TMEM270: variants seen among roughly 807,000 people sequenced by gnomAD.
TMEM270 encodes Williams-Beuren syndrome chromosome region 28.
TMEM270 carries 30 observed loss-of-function variants against 29.9 expected under a neutral mutation model. The observed-to-expected ratio is 1.00, with a 90% CI of 0.75 to 1.36. The LOEUF is 1.36. Ranked by LOEUF, TMEM270 falls within the 40% of genes most tolerant of loss-of-function variation. TMEM270 has a pLI of 0.00. For synonymous variants in TMEM270, 135 were observed against 139.8 expected, an observed-to-expected ratio of 0.97 and a Z score of 0.24; for missense variants, 313 against 307.1, an observed-to-expected ratio of 1.02 and a Z score of -0.14.
At chr7:73,864,306 G>T (rs969713610) in intron 1 of TMEM270, among the ~76,000 whole-genome samples, 1 of 151,450 alleles carries the variant, frequency 6.6e-6, no homozygotes, top group African/African-American at 2.4e-5. Context: ...ATGCACTTGT[G>T]TGGTCTCAGC....
chr7:73,863,370 C>T (rs578201816), intron 1 of TMEM270, among the ~76,000 whole-genome samples: 4 of 152,126 alleles, frequency 2.6e-5, no homozygotes, highest in Admixed American at 2.0e-4. Context: ...CAACTCACCA[C>T]CCAGATCAGA....
In TMEM270 at chr7:73,865,658, C is replaced by G. The variant is rs782273979; in HGVS notation, c.583C>G (p.Leu195Val). 16 of 1,614,030 alleles carry G rather than the reference C, an allele frequency of 9.9e-6. No homozygotes were observed. The highest frequency in any genetic ancestry group is 1.2e-5 in the Non-Finnish European group (14 of 1,180,010). The change falls in exon 3 of 3, where the codon CTC becomes GTC. Residue 195 changes from leucine to valine, a missense_variant. By Grantham distance (32) the Leu-to-Val change is conservative. Coordinates refer to ENST00000320531, the MANE Select transcript of TMEM270 (RefSeq NM_182504.4). ...TTGGTGGGTGGAGACTATGACTGCC[C>G]TCACCTCCTGGCACCTGGCCTATCT... is the stretch of plus-strand genomic sequence containing the variant. ...LYWWVETMTA[L>V]TSWHLAYLIT...
chr7:73,861,377 G>T, intron 1 of TMEM270, 111 bp downstream of exon 1: 1 of 970,940 alleles, frequency 1.0e-6, no homozygotes, highest in Non-Finnish European at 1.6e-6. Context: ...GTGGAACGAG[G>T]TGGCTGCCTG....
At chr7:73,862,579 G>A (rs948005819) in intron 1 of TMEM270, among the ~76,000 whole-genome samples, 1 of 151,200 alleles carries the variant, frequency 6.6e-6, no homozygotes, top group South Asian at 2.1e-4. Flanking sequence ...TGCATCTTGG[G>A]ACCGGGAGCT....
upstream of TMEM270, chr7:73,861,109 G>A (rs764673884): frequency 7.2e-7 from 1 of 1,382,608 alleles, no homozygotes; most frequent in African/African-American, 1.4e-5. Flanking sequence ...CGGCAACCGG[G>A]TCCCCATGGT....
At chr7:73,863,869 T>C (rs541485670) in intron 1 of TMEM270, among the ~76,000 whole-genome samples, 2 of 152,078 alleles carry the variant, frequency 1.3e-5, no homozygotes, top group Non-Finnish European at 2.9e-5. Context: ...CCCAGCTACT[T>C]GGAAGAAGAC....
intron 1 of TMEM270, among the ~76,000 whole-genome samples, chr7:73,863,901 C>G (rs1554639604): frequency 6.6e-6 from 1 of 151,994 alleles, no homozygotes; most frequent in Non-Finnish European, 1.5e-5. Context: ...GTTCAAAGCC[C>G]ACAGGATTGG....
Position 73,865,335 on chromosome 7 carries a change from ATGT to A in TMEM270, c.418_420del (p.Leu140del). 1 of 1,612,848 alleles carries A rather than the reference ATGT, an allele frequency of 6.2e-7. No individual in the cohort carries two copies. Among genetic ancestry groups the A allele is most frequent in the Non-Finnish European group, 8.5e-7 (1 of 1,179,828 alleles). On this transcript the variant is annotated inframe_deletion, in exon 2 of 3. Coordinates refer to ENST00000320531, the MANE Select transcript of TMEM270 (RefSeq NM_182504.4). ...GTTTTTGTCATGTCTGCACGGCCTG[ATGT>A]TGGTGGCCTTGCTCTTGGTGGTAGT...
intron 1 of TMEM270, among the ~76,000 whole-genome samples, chr7:73,864,343 T>A (rs1473786634): frequency 6.6e-6 from 1 of 151,178 alleles, no homozygotes; most frequent in East Asian, 1.9e-4. Flanking sequence ...ATGGGAGGGT[T>A]GTTTAAGTGT....
At chr7:73,861,527 G>A in intron 1 of TMEM270, 1 of 608,140 alleles carries the variant, frequency 1.6e-6, no homozygotes, top group Non-Finnish European at 3.1e-6. Context: ...TCAGCTCGTT[G>A]CAGCCTCCAA....
Position 73,865,670 on chromosome 7 carries a change from C to T in TMEM270, c.595C>T (p.His199Tyr). Residue 199 changes from histidine to tyrosine, a missense_variant, in exon 3 of 3, where the codon CAC (histidine) becomes TAC (tyrosine). Physicochemically the swap from His to Tyr is moderately conservative, Grantham distance 83. Coordinates refer to ENST00000320531, the MANE Select transcript of TMEM270 (RefSeq NM_182504.4). ...GACTATGACTGCCCTCACCTCCTGGCACCTGGCCTATCTCATCACCTGGAC... is the reference window on the plus strand; with the variant it reads ...GACTATGACTGCCCTCACCTCCTGGTACCTGGCCTATCTCATCACCTGGAC... The part of the protein sequence containing the change: ...VETMTALTSW[H>Y]LAYLITWTTC... 6.2e-7 allele frequency: 1 copy of T among 1,614,094 alleles called. No individual in the cohort carries two copies. Among genetic ancestry groups the T allele is most frequent in the South Asian group, 1.1e-5 (1 of 91,078 alleles).
In TMEM270 at chr7:73,865,118, G is replaced by A. The variant is rs1554639751; in HGVS notation, c.198G>A (p.Leu66=). 1.7e-5 allele frequency: 27 copies of A among 1,598,014 alleles called. No individual in the cohort carries two copies. The highest frequency in any genetic ancestry group is 2.1e-5 in the Non-Finnish European group (24 of 1,170,176). Residue 66 remains leucine, a synonymous_variant, in exon 2 of 3, where the codon CTG becomes CTA. Coordinates refer to ENST00000320531, the MANE Select transcript of TMEM270 (RefSeq NM_182504.4). ...GSCNWQAHLP[L]GAAACPLGQA... ...GTAACTGGCAGGCCCACCTACCCCT[G>A]GGAGCTGCAGCCTGCCCCCTGGGCC...
Position 73,865,159 on chromosome 7 carries a change from G to A in TMEM270, c.239G>A (p.Gly80Glu). The A allele has an allele frequency of 6.2e-7, 1 of 1,612,048 alleles. No individual in the cohort carries two copies. The highest frequency in any genetic ancestry group is 8.5e-7 in the Non-Finnish European group (1 of 1,178,472). Residue 80 changes from glycine (G) to glutamate (E), a missense_variant, in exon 2 of 3, where the codon GGG becomes GAG. Transcript: ENST00000320531. ...ACPLGQALWA[G>E]LALIQVPVWL... ...CCCCTGGGCCAGGCTCTCTGGGCTG[G>A]GCTGGCTCTGATACAGGTCCCCGTA... is the stretch of plus-strand genomic sequence containing the variant.
intron 1 of TMEM270, 108 bp from the exon 2 acceptor site, chr7:73,864,885 A>G (rs1392190373): frequency 1.2e-5 from 12 of 1,023,214 alleles, no homozygotes; most frequent in Non-Finnish European, 1.6e-5. Context: ...CCTGGGCAAC[A>G]AGAGTGAAAC....
upstream of TMEM270, chr7:73,861,092 T>A: frequency 8.8e-7 from 1 of 1,135,638 alleles, no homozygotes. Flanking sequence ...AGGCAGTGGG[T>A]CACTGGCGGC....
intron 1 of TMEM270, 86 bp from the exon 2 acceptor site, chr7:73,864,903 CAAAA>C: frequency 3.1e-6 from 3 of 961,452 alleles, no homozygotes; most frequent in Non-Finnish European, 2.8e-6. Flanking sequence ...AACTCCGTCT[CAAAA>C]AAAAAAAAAA....
At position 73,861,165 on chromosome 7, in the gene TMEM270, C is replaced by T; in HGVS notation, c.-30C>T. ...GCATCTGTGAGGTCACCCTGCTTCTCCCAGCTGGAGTAGGTGGGGGAGGCC... is the reference window on the plus strand; with the variant it reads ...GCATCTGTGAGGTCACCCTGCTTCTTCCAGCTGGAGTAGGTGGGGGAGGCC... On this transcript the variant is annotated 5_prime_UTR_variant, in exon 1 of 3. Transcript: ENST00000320531. The T allele has an allele frequency of 6.2e-7, 1 of 1,612,266 alleles. No homozygotes were observed. Among genetic ancestry groups the T allele is most frequent in the South Asian group, 1.1e-5 (1 of 91,022 alleles).
chr7:73,865,442 G>C, intron 2 of TMEM270, 21 bp downstream of exon 2: 1 of 1,597,748 alleles, frequency 6.3e-7, no homozygotes. Context: ...TCGGGGTGAG[G>C]CTGGGGTGTG....
At position 73,865,860 on chromosome 7, in the gene TMEM270, C is replaced by T; in HGVS notation, c.785C>T (p.Thr262Ile). 1 of 1,611,642 alleles carries T rather than the reference C, an allele frequency of 6.2e-7. No homozygotes were observed. The highest frequency in any genetic ancestry group is 8.5e-7 in the Non-Finnish European group (1 of 1,179,778). ...ESGTVLPEQE[T>I]PRE ...GGAACAGTTTTGCCAGAGCAAGAAACTCCCAGAGAATAAATGTATCCCCAT... is the reference window on the plus strand; with the variant it reads ...GGAACAGTTTTGCCAGAGCAAGAAATTCCCAGAGAATAAATGTATCCCCAT... Residue 262 changes from threonine (T) to isoleucine (I), a missense_variant, in exon 3 of 3, where the codon ACT (threonine) becomes ATT (isoleucine). Thr to Ile is a moderately conservative substitution (Grantham distance 89, BLOSUM62 -1). Transcript: ENST00000320531.
Sources: allele counts gnomAD v4.1 joint callset (sites outside exome capture counted in the v4.1 genomes callset), GRCh38; gene constraint gnomAD v4.1.1; transcripts MANE v1.5; gene names NCBI Gene and HGNC (gene_info 2026-07-23, HGNC 2026-07-21).